The following MGAT4C variants were observed in gnomAD, a reference collection of about 807,000 sequenced individuals.
The protein encoded by MGAT4C is alpha-1,3-mannosyl-glycoprotein 4-beta-N-acetylglucosaminyltransferase C.
A neutral mutation model predicts 40.1 loss-of-function variants in MGAT4C; 19 were observed. That is an observed-to-expected ratio of 0.47 (90% CI 0.33 to 0.70). The LOEUF (loss-of-function observed/expected upper bound fraction) is 0.70, where lower values mean the gene tolerates loss of function less well. Ranked by LOEUF, MGAT4C falls within the 30% of genes least tolerant of loss-of-function variation. The pLI is 0.02. For missense variants in MGAT4C, 491 were observed against 563.2 expected (o/e 0.87, Z 1.30); for synonymous variants, 181 against 187.1 (o/e 0.97, Z 0.27).
At chr12:86,461,927 C>T (rs991212632) in intron 2 of MGAT4C, among the ~76,000 whole-genome samples, 3 of 152,114 alleles carry the variant, frequency 2.0e-5, no homozygotes, top group African/African-American at 4.8e-5. Flanking sequence ...TCCTTTATTT[C>T]TTTTTGTAAC....
chr12:86,305,403 C>T (rs1166717921), intron 4 of MGAT4C, among the ~76,000 whole-genome samples: 1 of 146,362 alleles, frequency 6.8e-6, no homozygotes, highest in African/African-American at 2.7e-5. Context: ...TGCACTATAG[C>T]ACTCCAGCCT....
chr12:86,652,024 A>C (rs1340367787), intron 2 of MGAT4C, among the ~76,000 whole-genome samples: 2 of 151,928 alleles, frequency 1.3e-5, no homozygotes, highest in African/African-American at 4.8e-5. Context: ...TTGAAGACAT[A>C]CATGATTACT....
At chr12:86,410,590 A>G (rs180909242) in intron 3 of MGAT4C, among the ~76,000 whole-genome samples, 1 of 152,276 alleles carries the variant, frequency 6.6e-6, no homozygotes, top group Admixed American at 6.5e-5. Flanking sequence ...TTGTTCAAAC[A>G]CACATGTTTT....
At chr12:86,489,185 T>A (rs1958081428) in intron 2 of MGAT4C, among the ~76,000 whole-genome samples, 1 of 152,060 alleles carries the variant, frequency 6.6e-6, no homozygotes, top group Admixed American at 6.6e-5. Flanking sequence ...TCAGAGACAG[T>A]GGCTGGTTGA....
At chr12:86,127,692 T>C (rs925104300) in intron 1 of MGAT4C, among the ~76,000 whole-genome samples, 7 of 152,184 alleles carry the variant, frequency 4.6e-5, no homozygotes, top group Non-Finnish European at 7.3e-5. Flanking sequence ...TTTTAATTTT[T>C]TAACATTTTT....
chr12:86,296,431 G>A (rs1439143049), intron 4 of MGAT4C, among the ~76,000 whole-genome samples: 1 of 129,612 alleles, frequency 7.7e-6, no homozygotes, highest in East Asian at 2.4e-4. Flanking sequence ...CGGTCGATGG[G>A]ACTGGGCGCC....
rs1356705133 is a variant in MGAT4C at position 85,969,003 on chromosome 12, G to A, written c.*10286C>T. On this transcript the variant is annotated 3_prime_UTR_variant, in exon 5 of 5. Coordinates refer to ENST00000611864, the MANE Select transcript of MGAT4C (RefSeq NM_001351288.2). Reference sequence around the variant, plus strand: ...TTCTGTTTTAATACTTCATAGACTTGTAAGGATGTAATGTAGTGTTTCTAA... The same window carrying A: ...TTCTGTTTTAATACTTCATAGACTTATAAGGATGTAATGTAGTGTTTCTAA... 6.6e-6 allele frequency: 1 copy of A among 151,766 alleles called. No homozygotes were observed. Among genetic ancestry groups the A allele is most frequent in the African/African-American group, 2.4e-5 (1 of 41,372 alleles). The allele number at this position is 151,766 out of a possible 1,614,324, so 9.4% of individuals were successfully genotyped here. A position where few individuals can be genotyped will look rare whatever the true frequency, so the allele number is the denominator to read the frequency against.
intron 2 of MGAT4C, chr12:86,002,474 TA>T (rs976980081): frequency 1.6e-4 from 25 of 152,140 alleles, no homozygotes; most frequent in Admixed American, 5.2e-4. Flanking sequence ...ACACAATGAA[TA>T]AAACTATAAA....
intron 2 of MGAT4C, among the ~76,000 whole-genome samples, chr12:86,595,099 T>C (rs1390175994): frequency 6.6e-6 from 1 of 152,158 alleles, no homozygotes; most frequent in African/African-American, 2.4e-5. Context: ...CTTGTTAAAA[T>C]AGGTTCTAAT....
chr12:86,609,103 T>G (rs1369376504), intron 2 of MGAT4C, among the ~76,000 whole-genome samples: 1 of 152,090 alleles, frequency 6.6e-6, no homozygotes, highest in African/African-American at 2.4e-5. Context: ...CAATTATAAA[T>G]AGTAAAATAA....
intron 4 of MGAT4C, among the ~76,000 whole-genome samples, chr12:86,298,626 T>C (rs535287199): frequency 9.9e-5 from 15 of 152,184 alleles, no homozygotes; most frequent in Non-Finnish European, 1.9e-4. Flanking sequence ...TGATGGTCTT[T>C]CAGATAAAGC....
At chr12:86,147,516 C>T (rs1883707911) in intron 1 of MGAT4C, among the ~76,000 whole-genome samples, 1 of 152,248 alleles carries the variant, frequency 6.6e-6, no homozygotes, top group African/African-American at 2.4e-5. Context: ...GCTGGGATTA[C>T]AGGCGTGAGC....
intron 2 of MGAT4C, among the ~76,000 whole-genome samples, chr12:86,455,510 TA>T (rs1277336374): frequency 6.6e-6 from 1 of 152,110 alleles, no homozygotes; most frequent in African/African-American, 2.4e-5. Context: ...AAAAATAATT[TA>T]AAAAGGAAAC....
At chr12:86,475,660 G>A (rs1030823985) in intron 2 of MGAT4C, among the ~76,000 whole-genome samples, 1 of 151,610 alleles carries the variant, frequency 6.6e-6, no homozygotes, top group Admixed American at 6.6e-5. Context: ...TGTTTTCAAG[G>A]GTATATTGTT....
Position 86,117,850 on chromosome 12 carries a change from C to A in MGAT4C, c.-56-68127G>T, listed in dbSNP as rs1878695449. 2.6e-5 allele frequency among the ~76,000 whole-genome samples: 4 copies of A among 152,064 alleles called. No homozygotes were observed. In the South Asian group the frequency reaches 8.3e-4, roughly 32 times the overall value. ...TTAATCACCATAATGAACTTCATGG[C>A]CAAAATGGCAGTCAAACTGCCTTGA... On this transcript the variant is annotated intron_variant, in intron 1 of 4. Coordinates refer to ENST00000611864, the MANE Select transcript of MGAT4C (RefSeq NM_001351288.2).
intron 4 of MGAT4C, among the ~76,000 whole-genome samples, chr12:86,268,664 CAT>C (rs35503864): frequency 2.8e-4 from 40 of 143,792 alleles, no homozygotes; most frequent in East Asian, 6.1e-4. Flanking sequence ...ATATTAACTA[CAT>C]ATATATATAT....
chr12:86,220,188 A>T (rs566880232), intron 1 of MGAT4C, among the ~76,000 whole-genome samples: 2 of 152,200 alleles, frequency 1.3e-5, no homozygotes, highest in East Asian at 3.9e-4. Flanking sequence ...TTAACCAAGG[A>T]TGTTTCTCCT....
chr12:86,754,336 G>T (rs920415082), intron 1 of MGAT4C, among the ~76,000 whole-genome samples: 1 of 152,092 alleles, frequency 6.6e-6, no homozygotes, highest in Non-Finnish European at 1.5e-5. Flanking sequence ...AAGCAGGAGT[G>T]AAGGGAGGGA....
intron 4 of MGAT4C, among the ~76,000 whole-genome samples, chr12:86,289,418 A>T (rs1346748961): frequency 6.7e-6 from 1 of 149,000 alleles, no homozygotes; most frequent in Admixed American, 6.7e-5. Context: ...ATGAGTTGTA[A>T]TTTTTTTTTT....
Sources: gnomAD v4.1 joint callset for allele counts (sites outside exome capture counted in the v4.1 genomes callset) on GRCh38, gnomAD v4.1.1 for gene constraint, MANE v1.5 for transcripts, NCBI Gene and HGNC (gene_info 2026-07-23, HGNC 2026-07-21) for gene names.